Variants in PDZD2 observed in about 807,000 individuals in gnomAD.
PDZD2 encodes the protein PDZ domain-containing protein 2.
Under a neutral mutation model 220.7 loss-of-function variants are expected in PDZD2, and 90 were observed. The observed-to-expected ratio is 0.41, with a 90% CI of 0.34 to 0.49. PDZD2 has a LOEUF of 0.49. PDZD2 is among the 20% of genes least tolerant of loss of function. The pLI is 0.28. For missense variants in PDZD2, 3,174 were observed against 3,608.5 expected, an observed-to-expected ratio of 0.88 and a Z score of 3.08; for synonymous variants, 1,375 against 1,450.5, an observed-to-expected ratio of 0.95 and a Z score of 1.18.
intron 24 of PDZD2, chr5:32,106,560 GT>G (rs776031451): frequency 1.2e-4 from 18 of 152,228 alleles, no homozygotes; most frequent in Non-Finnish European, 1.8e-4. Flanking sequence ...GAAAACTGGA[GT>G]TTGGAGAAAT....
At chr5:31,960,287 G>A (rs1440904661) in intron 2 of PDZD2, among the ~76,000 whole-genome samples, 3 of 151,472 alleles carry the variant, frequency 2.0e-5, no homozygotes, top group Non-Finnish European at 2.9e-5. Context: ...CGCGATCTCG[G>A]CTCACCACAA....
At position 31,639,656 on chromosome 5, in the gene PDZD2, G is replaced by A. The variant is rs1476503105; in HGVS notation, c.-361+219G>A. On this transcript the variant is annotated intron_variant, in intron 1 of 24. Transcript: ENST00000438447. The surrounding 1 kb of genome is among the most constrained non-coding windows in gnomAD (Gnocchi z 4.1). Reference sequence around the variant, plus strand: ...CTAGCATCCGGCCGGGGACGGGGAGGGCGCAGCCCAGGGGAGGGGGCTAGA... The same window carrying A: ...CTAGCATCCGGCCGGGGACGGGGAGAGCGCAGCCCAGGGGAGGGGGCTAGA... Among the ~76,000 whole-genome samples the A allele has an allele frequency of 6.6e-6, 1 of 152,206 alleles. No homozygotes were observed. The highest frequency in any genetic ancestry group is 6.5e-5 in the Admixed American group (1 of 15,288).
chr5:31,903,914 G>A (rs901489567), intron 2 of PDZD2, among the ~76,000 whole-genome samples: 3 of 151,958 alleles, frequency 2.0e-5, no homozygotes, highest in East Asian at 1.9e-4. Flanking sequence ...AGTAGAGACG[G>A]GGTTTCACGG....
chr5:31,667,778 A>G (rs1431545040), intron 1 of PDZD2, among the ~76,000 whole-genome samples: 2 of 150,416 alleles, frequency 1.3e-5, no homozygotes, highest in African/African-American at 4.9e-5. Flanking sequence ...GGCAGGAGGC[A>G]GTGGGGCAAT....
chr5:32,042,387 C>G (rs1756263193), intron 7 of PDZD2, among the ~76,000 whole-genome samples: 4 of 150,192 alleles, frequency 2.7e-5, no homozygotes, highest in Admixed American at 6.6e-5. Context: ...CATGGCAAAA[C>G]CCCATCTCTA....
At chr5:31,908,321 G>GC (rs1375097942) in intron 2 of PDZD2, 3 of 250,438 alleles carry the variant, frequency 1.2e-5, no homozygotes, top group African/African-American at 6.8e-5. Flanking sequence ...AGAAGGCAGC[G>GC]CCACTGGTCG....
chr5:31,831,278 C>T (rs1756565998), intron 2 of PDZD2, among the ~76,000 whole-genome samples: 2 of 151,380 alleles, frequency 1.3e-5, no homozygotes, highest in South Asian at 2.1e-4. Flanking sequence ...GTCAAGAAAT[C>T]GAGACCATCG....
At chr5:31,737,901 T>C (rs1448127221) in intron 1 of PDZD2, among the ~76,000 whole-genome samples, 1 of 152,194 alleles carries the variant, frequency 6.6e-6, no homozygotes, top group Admixed American at 6.5e-5. Context: ...AAGAACCGTA[T>C]GAAACAGACA....
chr5:31,894,385 G>A (rs906347279), intron 2 of PDZD2, among the ~76,000 whole-genome samples: 1 of 152,036 alleles, frequency 6.6e-6, no homozygotes, highest in African/African-American at 2.4e-5. Flanking sequence ...TGGGGTGTAG[G>A]ATTTCAACAG....
At chr5:31,927,224 T>C (rs994329006) in intron 2 of PDZD2, among the ~76,000 whole-genome samples, 1 of 152,120 alleles carries the variant, frequency 6.6e-6, no homozygotes, top group African/African-American at 2.4e-5. Flanking sequence ...AAAGTAGAAA[T>C]TTTAAAAAAT....
chr5:32,100,867 A>G, intron 23 of PDZD2: 1 of 1,562,604 alleles, frequency 6.4e-7, no homozygotes, highest in South Asian at 1.1e-5. Flanking sequence ...TGCAGAAAAC[A>G]CAGAACAAAG....
At chr5:31,727,185 T>G (rs916644627) in intron 1 of PDZD2, among the ~76,000 whole-genome samples, 2 of 152,080 alleles carry the variant, frequency 1.3e-5, no homozygotes, top group Non-Finnish European at 2.9e-5. Flanking sequence ...TAATATGAGA[T>G]TTCAGCAGGA....
chr5:32,002,764 A>C (rs115671612), intron 5 of PDZD2, among the ~76,000 whole-genome samples: 3 of 7,686 alleles, frequency 3.9e-4, no homozygotes, highest in Non-Finnish European at 1.0e-3. Flanking sequence ...CACCCCACAC[A>C]CCACACACAC....
At chr5:31,825,112 C>G (rs1217778860) in intron 2 of PDZD2, among the ~76,000 whole-genome samples, 1 of 152,146 alleles carries the variant, frequency 6.6e-6, no homozygotes, top group African/African-American at 2.4e-5. Flanking sequence ...TAGACTAAAC[C>G]CAGCCATTAG....
intron 6 of PDZD2, among the ~76,000 whole-genome samples, chr5:32,016,140 G>A (rs1753764817): frequency 6.6e-6 from 1 of 152,166 alleles, no homozygotes; most frequent in African/African-American, 2.4e-5. Flanking sequence ...ATTCTTCGTT[G>A]GTGGAACTGC....
intron 2 of PDZD2, chr5:31,854,914 G>A (rs1758293878): frequency 1.1e-6 from 1 of 891,888 alleles, no homozygotes; most frequent in Non-Finnish European, 1.3e-6. Context: ...GCGGAGGGAG[G>A]AGGGGGGGGT....
intron 1 of PDZD2, among the ~76,000 whole-genome samples, 176 bp from the exon 2 acceptor site, chr5:31,798,713 T>C (rs1289299710): frequency 6.6e-6 from 1 of 152,074 alleles, no homozygotes; most frequent in Non-Finnish European, 1.5e-5. Context: ...GAAGGGAGTG[T>C]CCATACAGCA....
intron 2 of PDZD2, among the ~76,000 whole-genome samples, chr5:31,843,006 C>T (rs554545782): frequency 2.0e-5 from 3 of 151,834 alleles, no homozygotes; most frequent in Admixed American, 1.3e-4. Flanking sequence ...CTCAGCCTCC[C>T]GAGTAGCTGC....
At chr5:32,039,865 T>C (rs10040176) in intron 7 of PDZD2, among the ~76,000 whole-genome samples, 6,110 of 112,776 alleles carry the variant, frequency 0.054, 434 homozygotes, top group African/African-American at 0.18. Flanking sequence ...TCTGCCCGGC[T>C]GCCCCATCTG....
Sources: allele counts gnomAD v4.1 joint callset (sites outside exome capture counted in the v4.1 genomes callset), GRCh38; gene constraint gnomAD v4.1.1; non-coding constraint Gnocchi (gnomAD v3.1); transcripts MANE v1.5; gene names NCBI Gene and HGNC (gene_info 2026-07-23, HGNC 2026-07-21).